Variants in ZNF717 observed in about 807,000 individuals in gnomAD.
ZNF717 encodes the protein krueppel-like factor X17.
Under a neutral mutation model 13.8 loss-of-function variants are expected in ZNF717, and 9 were observed. The observed-to-expected ratio is 0.65, with a 90% CI of 0.39 to 1.14. The LOEUF (loss-of-function observed/expected upper bound fraction) is 1.14. Ranked by LOEUF, ZNF717 falls within the 50% of genes most tolerant of loss-of-function variation. The pLI is 0.01. For missense variants in ZNF717, 1,040 were observed against 1,080.7 expected (o/e 0.96, Z 0.53); for synonymous variants, 327 against 364.1 (o/e 0.90, Z 1.16).
downstream of ZNF717, among the ~76,000 whole-genome samples, chr3:75,705,446 C>T (rs111345198): frequency 6.6e-6 from 1 of 152,286 alleles, no homozygotes; most frequent in Non-Finnish European, 1.5e-5. Flanking sequence ...AATGCAAGTG[C>T]CTCTTAATAT....
intron 5 of ZNF717, among the ~76,000 whole-genome samples, chr3:75,713,154 T>C (rs1444253423): frequency 6.6e-6 from 1 of 152,074 alleles, no homozygotes; most frequent in African/African-American, 2.4e-5. Flanking sequence ...TAAAATTTTA[T>C]TATTTTATTT....
chr3:75,713,375 T>C (rs1937984221), intron 5 of ZNF717, among the ~76,000 whole-genome samples: 1 of 151,978 alleles, frequency 6.6e-6, no homozygotes, highest in Non-Finnish European at 1.5e-5. Context: ...GGTCTCAAAC[T>C]CCTGGGCTCA....
intron 2 of ZNF717, among the ~76,000 whole-genome samples, chr3:75,748,381 A>C (rs2107326463): frequency 6.6e-6 from 1 of 152,292 alleles, no homozygotes; most frequent in Non-Finnish European, 1.5e-5. Context: ...GACGAGACAT[A>C]ATCAAAAAAG....
intron 2 of ZNF717, among the ~76,000 whole-genome samples, chr3:75,743,742 G>C (rs1284649442): frequency 6.6e-6 from 1 of 152,240 alleles, no homozygotes; most frequent in African/African-American, 2.4e-5. Context: ...AATTTGCTGT[G>C]CACTGGGTAA....
intron 2 of ZNF717, among the ~76,000 whole-genome samples, chr3:75,756,992 T>C (rs1047727651): frequency 6.6e-6 from 1 of 152,254 alleles, no homozygotes; most frequent in African/African-American, 2.4e-5. Flanking sequence ...TTCAATTCTA[T>C]GAAGGCTCAG....
chr3:75,777,357 G>T (rs113931089), intron 2 of ZNF717, among the ~76,000 whole-genome samples: 3,563 of 145,616 alleles, frequency 0.024, 148 homozygotes, highest in African/African-American at 0.085. Context: ...AAAACAAATG[G>T]GAGTGACGTG....
intron 6 of ZNF717, among the ~76,000 whole-genome samples, chr3:75,702,077 T>C (rs1575711424): frequency 6.6e-6 from 1 of 152,312 alleles, no homozygotes; most frequent in African/African-American, 2.4e-5. Flanking sequence ...GATATAACTA[T>C]AAATAGAACT....
downstream of ZNF717, among the ~76,000 whole-genome samples, chr3:75,735,259 A>G (rs2106962124): frequency 6.6e-6 from 1 of 152,354 alleles, no homozygotes; most frequent in African/African-American, 2.4e-5. Context: ...GAAGTAACTG[A>G]ACTGGTATAG....
chr3:75,710,270 T>C (rs1299199973), exon 6 of ZNF717: 1 of 152,260 alleles, frequency 6.6e-6, no homozygotes, highest in African/African-American at 2.4e-5. Flanking sequence ...ATAAATCAAA[T>C]GATCACAAGG....
downstream of ZNF717, among the ~76,000 whole-genome samples, chr3:75,705,226 T>C (rs1339723825): frequency 2.9e-5 from 1 of 34,944 alleles, no homozygotes; most frequent in East Asian, 9.7e-4. Flanking sequence ...TACATTACAA[T>C]GTACAAGTTA....
intron 4 of ZNF717, among the ~76,000 whole-genome samples, chr3:75,721,906 T>C (rs1202143463): frequency 3.9e-5 from 6 of 152,132 alleles, no homozygotes; most frequent in Non-Finnish European, 8.8e-5. Flanking sequence ...TTTATTCATA[T>C]GTATTATTTC....
At chr3:75,714,094 G>A (rs140049138) in intron 5 of ZNF717, among the ~76,000 whole-genome samples, 27 of 152,246 alleles carry the variant, frequency 1.8e-4, no homozygotes, top group African/African-American at 3.9e-4. Flanking sequence ...ACATGAAAGC[G>A]GACTAGGAGC....
chr3:75,765,308 G>A (rs1280439398), intron 2 of ZNF717, among the ~76,000 whole-genome samples: 1 of 152,020 alleles, frequency 6.6e-6, no homozygotes, highest in Non-Finnish European at 1.5e-5. Flanking sequence ...ACACAACACT[G>A]TAAATATTCT....
rs1250548214 is a variant in ZNF717, at chr3:75,718,587, A to G, written n.545-2046T>C. On this transcript the variant is annotated intron_variant and non_coding_transcript_variant, in intron 4 of 5. Transcript: ENST00000491507. ...GTGGTCCCCAGCCTTTTTTGGCACCAGAAATGGGTTTCCTGGAAGACAATT... is the reference window on the plus strand; with the variant it reads ...GTGGTCCCCAGCCTTTTTTGGCACCGGAAATGGGTTTCCTGGAAGACAATT... Among the ~76,000 whole-genome samples, 6 of 152,328 alleles carry G rather than the reference A, an allele frequency of 3.9e-5. No homozygotes were observed. The South Asian group carries it at 1.0e-3, about 26-fold the overall frequency.
intron 2 of ZNF717, among the ~76,000 whole-genome samples, chr3:75,749,507 T>C (rs1170396726): frequency 8.1e-4 from 122 of 151,372 alleles, no homozygotes; most frequent in African/African-American, 2.9e-3. Flanking sequence ...GTCCCTCACA[T>C]AGGACTCCAC....
downstream of ZNF717, among the ~76,000 whole-genome samples, chr3:75,725,282 G>T (rs200994428): frequency 1.4e-5 from 2 of 145,430 alleles, no homozygotes; most frequent in Admixed American, 1.4e-4. Flanking sequence ...TGTTCCTCAA[G>T]GACTTAAAAG....
At chr3:75,777,735 A>C (rs1944444570) in intron 2 of ZNF717, among the ~76,000 whole-genome samples, 1 of 152,060 alleles carries the variant, frequency 6.6e-6, no homozygotes, top group Admixed American at 6.6e-5. Context: ...CAGAAACCCA[A>C]AACAATGGGA....
chr3:75,700,236 A>G (rs1264682317), intron 6 of ZNF717, among the ~76,000 whole-genome samples: 1 of 150,896 alleles, frequency 6.6e-6, no homozygotes, highest in Non-Finnish European at 1.5e-5. Flanking sequence ...TACTAAAAAT[A>G]CAAAAAAATT....
chr3:75,741,930 A>T, intron 2 of ZNF717, 194 bp from the exon 3 acceptor site: 1 of 646,904 alleles, frequency 1.5e-6, no homozygotes, highest in Non-Finnish European at 2.6e-6. Context: ...AAAGAACAAG[A>T]ATCTGGGAAT....
Sources: allele counts gnomAD v4.1 joint callset (sites outside exome capture counted in the v4.1 genomes callset), GRCh38; gene constraint gnomAD v4.1.1; transcripts MANE v1.5; gene names NCBI Gene and HGNC (gene_info 2026-07-23, HGNC 2026-07-21).